The following CHMP2B variants were observed in gnomAD, a reference collection of about 807,000 sequenced individuals.
CHMP2B encodes VPS2 homolog B.
CHMP2B carries 22 observed loss-of-function variants against 29.8 expected under a neutral mutation model. The ratio of observed to expected loss-of-function variants is 0.74; its 90% CI spans 0.53 to 1.05. The LOEUF (loss-of-function observed/expected upper bound fraction) is 1.05. Ranked by LOEUF, CHMP2B falls within the 50% of genes least tolerant of loss-of-function variation. CHMP2B has a pLI of 0.00. For missense variants in CHMP2B, 261 were observed against 252.2 expected (o/e 1.03, Z -0.24); for synonymous variants, 78 against 75.8 (o/e 1.03, Z -0.15).
chr3:87,245,605 G>C, intron 2 of CHMP2B, 109 bp from the exon 3 acceptor site: 1 of 887,526 alleles, frequency 1.1e-6, no homozygotes, highest in Non-Finnish European at 1.8e-6. Context: ...CCCTCTTCAT[G>C]ATCGGGGACA....
At chr3:87,236,877 A>C (rs963375441) in intron 1 of CHMP2B, among the ~76,000 whole-genome samples, 3 of 151,956 alleles carry the variant, frequency 2.0e-5, no homozygotes, top group African/African-American at 4.8e-5. Context: ...AAACATCACT[A>C]TCTGATACTG....
At position 87,255,375 on chromosome 3, in the gene CHMP2B, T is replaced by C. The variant is rs544029932; in HGVS notation, c.*1553T>C. On this transcript the variant is annotated 3_prime_UTR_variant, in exon 6 of 6. Coordinates refer to ENST00000263780, the MANE Select transcript of CHMP2B (RefSeq NM_014043.4). ...TGTTTACCAGAACATGTTTTGATTC[T>C]TGAATGTACATAATAATGCCATCTA... The C allele has an allele frequency of 1.4e-4, 21 of 152,618 alleles. No homozygotes were observed. Among genetic ancestry groups the C allele is most frequent in the African/African-American group, 5.1e-4 (21 of 41,564 alleles). The allele number at this position is 152,618 out of a possible 1,614,324, so 9.5% of individuals were successfully genotyped here. A position where few individuals can be genotyped will look rare whatever the true frequency, so the allele number is the denominator to read the frequency against.
chr3:87,243,575 C>A (rs936903200), intron 2 of CHMP2B, among the ~76,000 whole-genome samples: 14 of 151,978 alleles, frequency 9.2e-5, no homozygotes, highest in Non-Finnish European at 1.8e-4. Flanking sequence ...TGTAGTTCTT[C>A]CTTAAATGTG....
intron 1 of CHMP2B, among the ~76,000 whole-genome samples, chr3:87,237,321 G>T (rs899251943): frequency 5.9e-5 from 9 of 152,130 alleles, no homozygotes; most frequent in Non-Finnish European, 8.8e-5. Flanking sequence ...AATAAAGTCA[G>T]ATGGGGCCCT....
At chr3:87,241,338 G>A (rs1404905998) in intron 2 of CHMP2B, among the ~76,000 whole-genome samples, 1 of 152,012 alleles carries the variant, frequency 6.6e-6, no homozygotes. Context: ...CATATTTCAG[G>A]TGTACAATTT....
At chr3:87,246,963 G>A (rs376550713) in intron 3 of CHMP2B, among the ~76,000 whole-genome samples, 2 of 152,138 alleles carry the variant, frequency 1.3e-5, no homozygotes, top group African/African-American at 2.4e-5. Flanking sequence ...ATAAGACAAA[G>A]GTTTTAAGAA....
At chr3:87,238,210 G>A (rs935972557) in intron 1 of CHMP2B, among the ~76,000 whole-genome samples, 4 of 152,140 alleles carry the variant, frequency 2.6e-5, no homozygotes, top group Non-Finnish European at 4.4e-5. Flanking sequence ...TGGCTTTGAT[G>A]TTTTAATTGA....
chr3:87,237,867 T>C (rs1706042735), intron 1 of CHMP2B, among the ~76,000 whole-genome samples: 1 of 152,166 alleles, frequency 6.6e-6, no homozygotes, highest in South Asian at 2.1e-4. Context: ...AGAAAGTAGG[T>C]GGCAGGAGAG....
intron 1 of CHMP2B, among the ~76,000 whole-genome samples, chr3:87,239,999 A>G (rs947640469): frequency 6.6e-6 from 1 of 152,178 alleles, no homozygotes; most frequent in Non-Finnish European, 1.5e-5. Context: ...TTTAATAAAC[A>G]TATAACCTGT....
intron 2 of CHMP2B, among the ~76,000 whole-genome samples, chr3:87,244,080 C>G (rs965275682): frequency 2.2e-5 from 3 of 138,226 alleles, no homozygotes; most frequent in Non-Finnish European, 4.5e-5. Flanking sequence ...TGGAGTCTTG[C>G]TCTGTCACCA....
intron 1 of CHMP2B, among the ~76,000 whole-genome samples, chr3:87,233,763 A>G (rs1559605495): frequency 6.6e-6 from 1 of 152,188 alleles, no homozygotes; most frequent in African/African-American, 2.4e-5. Flanking sequence ...ATGTGGGAAC[A>G]TTTTGTTTCT....
At chr3:87,240,617 C>G (rs1292124855) in intron 1 of CHMP2B, 82 bp from the exon 2 acceptor site, 7 of 1,000,152 alleles carry the variant, frequency 7.0e-6, no homozygotes, top group Non-Finnish European at 8.0e-6. Context: ...TTTTTTAAAT[C>G]ATGATCTGTG....
intron 5 of CHMP2B, 57 bp from the exon 6 acceptor site, chr3:87,253,655 A>G (rs977900023): frequency 8.1e-5 from 119 of 1,466,766 alleles, no homozygotes; most frequent in Admixed American, 2.2e-4. Context: ...CACATCCTGT[A>G]TGTCCTAGTC....
chr3:87,236,577 C>G (rs1039346585), intron 1 of CHMP2B, among the ~76,000 whole-genome samples: 7 of 152,180 alleles, frequency 4.6e-5, no homozygotes, highest in Non-Finnish European at 1.0e-4. Flanking sequence ...CACCACCGAG[C>G]ATGGTGGCTC....
intron 3 of CHMP2B, among the ~76,000 whole-genome samples, chr3:87,249,384 A>G (rs189279860): frequency 9.2e-5 from 14 of 152,230 alleles, no homozygotes; most frequent in African/African-American, 2.9e-4. Flanking sequence ...GTTTTCACAT[A>G]GTTTTTCAAA....
intron 4 of CHMP2B, among the ~76,000 whole-genome samples, chr3:87,250,535 A>C (rs1172897325): frequency 6.6e-6 from 1 of 151,938 alleles, no homozygotes; most frequent in African/African-American, 2.4e-5. Flanking sequence ...TGATCTACAA[A>C]AGTGAGATCA....
At chr3:87,251,242 T>C (rs908317227) in intron 4 of CHMP2B, among the ~76,000 whole-genome samples, 2 of 151,940 alleles carry the variant, frequency 1.3e-5, no homozygotes, top group African/African-American at 4.8e-5. Flanking sequence ...CCAAAAGTTC[T>C]GTAGTTTTTA....
chr3:87,246,322 G>A (rs568764291), intron 3 of CHMP2B, among the ~76,000 whole-genome samples: 2 of 152,082 alleles, frequency 1.3e-5, no homozygotes, highest in East Asian at 3.9e-4. Flanking sequence ...ATTTTTAGTA[G>A]AGACGAGGTT....
chr3:87,248,918 T>C (rs1024013023), intron 3 of CHMP2B, among the ~76,000 whole-genome samples: 1 of 152,210 alleles, frequency 6.6e-6, no homozygotes, highest in Non-Finnish European at 1.5e-5. Flanking sequence ...ATATAATGCA[T>C]ACATATATGT....
Sources: gnomAD v4.1 joint callset for allele counts (sites outside exome capture counted in the v4.1 genomes callset) on GRCh38, gnomAD v4.1.1 for gene constraint, MANE v1.5 for transcripts, NCBI Gene and HGNC (gene_info 2026-07-23, HGNC 2026-07-21) for gene names.